MPP7: variants seen among roughly 807,000 people sequenced by gnomAD.
The protein encoded by MPP7 is MAGUK p55 subfamily member 7.
MPP7 carries 60 observed loss-of-function variants against 76.5 expected under a neutral mutation model. That is an observed-to-expected ratio of 0.78 (90% CI 0.64 to 0.97). The LOEUF is 0.97. Among genes scored for constraint, MPP7 ranks in the 50% least tolerant of loss-of-function variants. The probability of loss-of-function intolerance (pLI) is 0.00; values close to 1 mark genes in which losing one functional copy is unlikely to be tolerated. For synonymous variants in MPP7, 237 were observed against 244.5 expected (o/e 0.97, Z 0.29); for missense variants, 641 against 694.0 (o/e 0.92, Z 0.86).
intron 3 of MPP7, among the ~76,000 whole-genome samples, chr10:28,158,504 G>A (rs1487429167): frequency 6.6e-6 from 1 of 152,136 alleles, no homozygotes; most frequent in East Asian, 1.9e-4. Context: ...TAGAGAACAG[G>A]GGTACAGAGA....
chr10:28,333,161 A>G (rs1013835117), intron 1 of MPP7, among the ~76,000 whole-genome samples: 16 of 152,046 alleles, frequency 1.1e-4, no homozygotes, highest in African/African-American at 3.6e-4. Context: ...TTTATTTTTT[A>G]AGACAGAGAG....
At chr10:28,238,545 C>G in intron 2 of MPP7, 23 bp downstream of exon 2, 1 of 1,612,860 alleles carries the variant, frequency 6.2e-7, no homozygotes, top group Non-Finnish European at 8.5e-7. Flanking sequence ...GGAATGAGAA[C>G]TGCCCCTCTT....
chr10:28,067,523 A>C (rs1033269357), intron 13 of MPP7, among the ~76,000 whole-genome samples: 1 of 152,206 alleles, frequency 6.6e-6, no homozygotes, highest in East Asian at 1.9e-4. Flanking sequence ...TTTGACATTG[A>C]TATCTGTCTA....
At chr10:28,090,313 C>T (rs866993284) in intron 11 of MPP7, among the ~76,000 whole-genome samples, 1 of 152,024 alleles carries the variant, frequency 6.6e-6, no homozygotes, top group Admixed American at 6.6e-5. Context: ...AATAATAGTA[C>T]ACAATTTTAT....
At chr10:28,240,459 C>G (rs1232742820) in intron 1 of MPP7, among the ~76,000 whole-genome samples, 1 of 152,140 alleles carries the variant, frequency 6.6e-6, no homozygotes, top group Non-Finnish European at 1.5e-5. Flanking sequence ...ACCAGACTAT[C>G]TGCTGTAATA....
chr10:28,068,611 T>C (rs989065413), intron 13 of MPP7, among the ~76,000 whole-genome samples: 4 of 152,176 alleles, frequency 2.6e-5, no homozygotes, highest in African/African-American at 7.2e-5. Context: ...TTCTGTGTAC[T>C]GAAAAGAAGC....
At chr10:28,241,387 C>G (rs1203069170) in intron 1 of MPP7, among the ~76,000 whole-genome samples, 1 of 152,100 alleles carries the variant, frequency 6.6e-6, no homozygotes, top group Non-Finnish European at 1.5e-5. Context: ...AAGTAATCAC[C>G]TTCTCAGACC....
intron 1 of MPP7, among the ~76,000 whole-genome samples, chr10:28,258,182 T>C (rs556766659): frequency 7.3e-5 from 11 of 151,542 alleles, no homozygotes; most frequent in Admixed American, 7.2e-4. Flanking sequence ...GAACCCGATG[T>C]TCCTTCCACT....
chr10:28,096,921 G>A (rs909965903), intron 11 of MPP7, among the ~76,000 whole-genome samples: 12 of 152,246 alleles, frequency 7.9e-5, no homozygotes, highest in Middle Eastern at 6.8e-3. Flanking sequence ...TGAAATACCA[G>A]ATGGTACATT....
At chr10:28,157,624 C>T (rs571165973) in intron 3 of MPP7, among the ~76,000 whole-genome samples, 5 of 152,342 alleles carry the variant, frequency 3.3e-5, no homozygotes, top group African/African-American at 1.2e-4. Context: ...GCTCTGCATG[C>T]CCTGGACCCT....
intron 3 of MPP7, among the ~76,000 whole-genome samples, chr10:28,159,660 G>C (rs1674103253): frequency 6.6e-6 from 1 of 152,116 alleles, no homozygotes; most frequent in African/African-American, 2.4e-5. Flanking sequence ...AGCCTCTTTA[G>C]CTAAGTGTAG....
At chr10:28,065,252 T>A (rs947239895) in intron 13 of MPP7, among the ~76,000 whole-genome samples, 1 of 152,196 alleles carries the variant, frequency 6.6e-6, no homozygotes, top group Admixed American at 6.5e-5. Context: ...ACACACGGCA[T>A]CCCACAGCAG....
At chr10:28,273,449 CTT>C (rs1467413842) in intron 1 of MPP7, among the ~76,000 whole-genome samples, 6 of 152,222 alleles carry the variant, frequency 3.9e-5, no homozygotes, top group Admixed American at 2.0e-4. Flanking sequence ...TAGGTGTCCT[CTT>C]TATTGGTGCC....
At chr10:28,262,210 T>TATATATATATATATATATAC (rs1839986513) in intron 1 of MPP7, among the ~76,000 whole-genome samples, 1 of 8,196 alleles carries the variant, frequency 1.2e-4, no homozygotes, top group Non-Finnish European at 4.1e-4. Context: ...TATATATACA[T>TATATATATATATATATATAC]ATATATATAT....
At chr10:28,055,247 T>A (rs2133307802) in intron 16 of MPP7, among the ~76,000 whole-genome samples, 1 of 152,280 alleles carries the variant, frequency 6.6e-6, no homozygotes, top group East Asian at 1.9e-4. Flanking sequence ...AAATTTAATT[T>A]TAGTGTTGAT....
intron 1 of MPP7, among the ~76,000 whole-genome samples, chr10:28,330,681 A>G (rs1298070286): frequency 2.0e-5 from 3 of 152,044 alleles, no homozygotes; most frequent in Admixed American, 1.3e-4. Flanking sequence ...TTAAGATGGG[A>G]TCTTGCTCTG....
chr10:28,249,250 G>A (rs1839534640), intron 1 of MPP7, among the ~76,000 whole-genome samples: 1 of 151,898 alleles, frequency 6.6e-6, no homozygotes, highest in Non-Finnish European at 1.5e-5. Context: ...ATATTTACTA[G>A]ACCAAAAGTA....
At chr10:28,209,498 C>T (rs545668642) in intron 2 of MPP7, among the ~76,000 whole-genome samples, 1 of 151,122 alleles carries the variant, frequency 6.6e-6, no homozygotes, top group Admixed American at 6.6e-5. Context: ...ATGTGTGTGT[C>T]TCTTTCTGGG....
chr10:28,168,919 C>A (rs1361711311), intron 3 of MPP7, among the ~76,000 whole-genome samples: 1 of 152,100 alleles, frequency 6.6e-6, no homozygotes, highest in African/African-American at 2.4e-5. Flanking sequence ...GGTAGGGATC[C>A]AAATCCATCC....
Sources: allele counts gnomAD v4.1 joint callset (sites outside exome capture counted in the v4.1 genomes callset), GRCh38; gene constraint gnomAD v4.1.1; transcripts MANE v1.5; gene names NCBI Gene and HGNC (gene_info 2026-07-23, HGNC 2026-07-21).